The following TMEFF2 variants were observed in gnomAD, a reference collection of about 807,000 sequenced individuals.
The protein encoded by TMEFF2 is tomoregulin-2.
A neutral mutation model predicts 53.8 loss-of-function variants in TMEFF2; 28 were observed. That is an observed-to-expected ratio of 0.52 (90% CI 0.39 to 0.71). The LOEUF is 0.71. Ranked by LOEUF, TMEFF2 falls within the 30% of genes least tolerant of loss-of-function variation. TMEFF2 has a pLI of 0.00. For missense variants in TMEFF2, 353 were observed against 455.2 expected (o/e 0.78, Z 2.04); for synonymous variants, 162 against 166.3 (o/e 0.97, Z 0.20).
chr2:191,973,963 G>C (rs927697746), intron 7 of TMEFF2, among the ~76,000 whole-genome samples: 30 of 152,126 alleles, frequency 2.0e-4, no homozygotes, highest in African/African-American at 6.5e-4. Context: ...CCAGCGCTCA[G>C]ATCTGTGAGT....
intron 5 of TMEFF2, among the ~76,000 whole-genome samples, chr2:192,033,069 C>T (rs969353768): frequency 3.3e-5 from 5 of 152,082 alleles, no homozygotes; most frequent in Non-Finnish European, 5.9e-5. Flanking sequence ...TGTTAATACC[C>T]ACTCACCTCA....
intron 7 of TMEFF2, among the ~76,000 whole-genome samples, chr2:191,987,190 CCAGA>C: frequency 6.6e-6 from 1 of 152,092 alleles, no homozygotes; most frequent in East Asian, 1.9e-4. Context: ...TGCCCCTTCC[CCAGA>C]CAATCAAAAA....
chr2:192,089,678 C>G (rs575857981), intron 4 of TMEFF2, among the ~76,000 whole-genome samples: 1 of 152,274 alleles, frequency 6.6e-6, no homozygotes, highest in South Asian at 2.1e-4. Context: ...AGCCGACACA[C>G]AGTCATGTCA....
At chr2:191,951,819 A>G (rs1169860935) in intron 9 of TMEFF2, among the ~76,000 whole-genome samples, 1 of 152,152 alleles carries the variant, frequency 6.6e-6, no homozygotes, top group Non-Finnish European at 1.5e-5. Context: ...ATACTAATAC[A>G]GTTTATGTGC....
intron 4 of TMEFF2, among the ~76,000 whole-genome samples, chr2:192,075,297 ATATATAT>A (rs1688388455): frequency 5.8e-5 from 2 of 34,336 alleles, no homozygotes; most frequent in Admixed American, 3.3e-4. Flanking sequence ...ATATATATAT[ATATATAT>A]ATATATATAT....
intron 4 of TMEFF2, among the ~76,000 whole-genome samples, chr2:192,086,506 G>A (rs1230226931): frequency 1.3e-5 from 2 of 152,012 alleles, no homozygotes; most frequent in African/African-American, 4.8e-5. Context: ...CTTTTGTTGT[G>A]CATGCTTTGT....
intron 7 of TMEFF2, among the ~76,000 whole-genome samples, chr2:191,992,346 A>G (rs1407155313): frequency 6.6e-6 from 1 of 152,102 alleles, no homozygotes; most frequent in Non-Finnish European, 1.5e-5. Context: ...TTTTTGCCAC[A>G]TGACTGAATT....
At chr2:192,034,941 G>C (rs767074610) in intron 5 of TMEFF2, 2 of 152,194 alleles carry the variant, frequency 1.3e-5, no homozygotes, top group African/African-American at 4.8e-5. Context: ...CAAGGCCTTC[G>C]GGGATAAGTG....
intron 4 of TMEFF2, among the ~76,000 whole-genome samples, chr2:192,145,795 A>G (rs1370927229): frequency 6.6e-6 from 1 of 152,010 alleles, no homozygotes; most frequent in Non-Finnish European, 1.5e-5. Context: ...GGTTGCCACA[A>G]TGATTCAATG....
At chr2:192,173,794 T>C (rs534301521) in intron 4 of TMEFF2, among the ~76,000 whole-genome samples, 2 of 151,942 alleles carry the variant, frequency 1.3e-5, no homozygotes, top group South Asian at 4.1e-4. Flanking sequence ...ATTGGATTCT[T>C]AGAGTTATTA....
chr2:192,191,208 G>A (rs1691453072), intron 2 of TMEFF2, among the ~76,000 whole-genome samples: 1 of 152,084 alleles, frequency 6.6e-6, no homozygotes, highest in Non-Finnish European at 1.5e-5. Context: ...TGCCAGTAGT[G>A]CAACTTCTTT....
At chr2:192,169,961 A>C (rs1690866675) in intron 4 of TMEFF2, among the ~76,000 whole-genome samples, 3 of 115,980 alleles carry the variant, frequency 2.6e-5, no homozygotes, top group Middle Eastern at 8.1e-3. Flanking sequence ...ATATCACCCC[A>C]CTATTTAAGA....
chr2:192,066,544 C>A (rs1398628397), intron 4 of TMEFF2, among the ~76,000 whole-genome samples: 4 of 151,800 alleles, frequency 2.6e-5, no homozygotes, highest in Non-Finnish European at 5.9e-5. Flanking sequence ...AGCTAGTTTG[C>A]TAGAGCTTGA....
chr2:192,024,549 A>G (rs760483341), intron 5 of TMEFF2, among the ~76,000 whole-genome samples: 4 of 152,184 alleles, frequency 2.6e-5, no homozygotes, highest in Non-Finnish European at 5.9e-5. Context: ...GTTAGAATTC[A>G]CCTATTTTAA....
intron 4 of TMEFF2, among the ~76,000 whole-genome samples, chr2:192,105,458 A>C (rs964618393): frequency 6.6e-6 from 1 of 151,974 alleles, no homozygotes; most frequent in Non-Finnish European, 1.5e-5. Context: ...CTTTATATGC[A>C]TTATTGCATC....
intron 4 of TMEFF2, among the ~76,000 whole-genome samples, chr2:192,137,426 G>A (rs143704257): frequency 2.0e-5 from 3 of 152,170 alleles, no homozygotes; most frequent in Non-Finnish European, 2.9e-5. Flanking sequence ...ATGAAAGTGC[G>A]GAGAGGATGG....
intron 4 of TMEFF2, among the ~76,000 whole-genome samples, chr2:192,150,304 G>T (rs1690353778): frequency 6.6e-6 from 1 of 151,848 alleles, no homozygotes; most frequent in South Asian, 2.1e-4. Context: ...GAAGGAAACT[G>T]TTAGTAGCCA....
intron 7 of TMEFF2, among the ~76,000 whole-genome samples, chr2:191,971,590 GAA>G (rs1692640602): frequency 6.6e-6 from 1 of 152,174 alleles, no homozygotes; most frequent in South Asian, 2.1e-4. Flanking sequence ...TGGATCCAGA[GAA>G]GGTAACAAAC....
chr2:192,165,014 G>A (rs1222129828), intron 4 of TMEFF2, among the ~76,000 whole-genome samples: 2 of 150,708 alleles, frequency 1.3e-5, no homozygotes, highest in Non-Finnish European at 3.0e-5. Flanking sequence ...GTGTGTACCT[G>A]TGCACACATA....
Sources: allele counts gnomAD v4.1 joint callset (sites outside exome capture counted in the v4.1 genomes callset), GRCh38; gene constraint gnomAD v4.1.1; transcripts MANE v1.5; gene names NCBI Gene and HGNC (gene_info 2026-07-23, HGNC 2026-07-21).